The following LRRTM4 variants were observed in gnomAD, a reference collection of about 807,000 sequenced individuals.
The protein encoded by LRRTM4 is leucine-rich repeat transmembrane neuronal protein 4.
A neutral mutation model predicts 47.6 loss-of-function variants in LRRTM4; 25 were observed. The ratio of observed to expected loss-of-function variants is 0.53; its 90% confidence interval spans 0.38 to 0.73. The LOEUF is 0.73. Ranked by LOEUF, LRRTM4 falls within the 30% of genes least tolerant of loss-of-function variation. The pLI is 0.00. For synonymous variants in LRRTM4, 311 were observed against 269.5 expected, an observed-to-expected ratio of 1.15 and a Z score of -1.51; for missense variants, 638 against 713.4, an observed-to-expected ratio of 0.89 and a Z score of 1.20.
At chr2:77,408,854 T>A (rs1226485488) in intron 3 of LRRTM4, among the ~76,000 whole-genome samples, 1 of 152,216 alleles carries the variant, frequency 6.6e-6, no homozygotes, top group South Asian at 2.1e-4. Flanking sequence ...GTGTTTCAAA[T>A]TATAAATGAA....
chr2:77,367,579 C>T (rs574046681), intron 3 of LRRTM4, among the ~76,000 whole-genome samples: 1 of 151,834 alleles, frequency 6.6e-6, no homozygotes, highest in African/African-American at 2.4e-5. Context: ...CTCTTGGAAA[C>T]TGTGTTTCAG....
intron 3 of LRRTM4, among the ~76,000 whole-genome samples, chr2:77,463,282 G>T (rs965677331): frequency 6.6e-6 from 1 of 152,040 alleles, no homozygotes; most frequent in Non-Finnish European, 1.5e-5. Flanking sequence ...TGGGACCACA[G>T]TTGTATATGT....
intron 3 of LRRTM4, among the ~76,000 whole-genome samples, chr2:77,236,657 G>C (rs1443062975): frequency 6.6e-6 from 1 of 152,030 alleles, no homozygotes; most frequent in Non-Finnish European, 1.5e-5. Context: ...TTAGCTGTGG[G>C]TTTGTCATAG....
At chr2:77,325,425 A>C (rs536237391) in intron 3 of LRRTM4, among the ~76,000 whole-genome samples, 1 of 152,278 alleles carries the variant, frequency 6.6e-6, no homozygotes, top group African/African-American at 2.4e-5. Context: ...TAGAGATGTC[A>C]AGTTGTCACT....
At chr2:77,476,920 T>G (rs749593861) in intron 3 of LRRTM4, among the ~76,000 whole-genome samples, 8 of 151,876 alleles carry the variant, frequency 5.3e-5, no homozygotes, top group Non-Finnish European at 1.2e-4. Flanking sequence ...CTTCTAAGAA[T>G]AGCAAAAGTA....
At chr2:77,050,128 C>CT (rs745419725) in intron 3 of LRRTM4, among the ~76,000 whole-genome samples, 3,693 of 112,578 alleles carry the variant, frequency 0.033, 147 homozygotes, top group South Asian at 0.073. Context: ...AGAACCAAGT[C>CT]TTTTTTTTTT....
intron 3 of LRRTM4, among the ~76,000 whole-genome samples, chr2:77,184,994 A>G (rs1673461200): frequency 6.6e-6 from 1 of 151,876 alleles, no homozygotes; most frequent in African/African-American, 2.4e-5. Context: ...GTCTCTACAT[A>G]TTGTATAGTA....
chr2:77,370,906 A>G (rs551085210), intron 3 of LRRTM4, among the ~76,000 whole-genome samples: 1 of 151,806 alleles, frequency 6.6e-6, no homozygotes, highest in African/African-American at 2.4e-5. Context: ...CATCCATACA[A>G]ATTAACACTA....
At chr2:77,365,799 C>T (rs984229054) in intron 3 of LRRTM4, among the ~76,000 whole-genome samples, 4 of 150,584 alleles carry the variant, frequency 2.7e-5, no homozygotes, top group East Asian at 1.9e-4. Flanking sequence ...TTTAAAGTAG[C>T]GTAAACCTAT....
At chr2:76,992,269 C>A (rs1677035874) in intron 3 of LRRTM4, among the ~76,000 whole-genome samples, 1 of 151,688 alleles carries the variant, frequency 6.6e-6, no homozygotes, top group African/African-American at 2.4e-5. Context: ...CAATATAGTA[C>A]TGGAAGTGCT....
chr2:77,006,496 A>G (rs913670767), intron 3 of LRRTM4, among the ~76,000 whole-genome samples: 22 of 152,194 alleles, frequency 1.4e-4, no homozygotes, highest in African/African-American at 3.9e-4. Context: ...GAAGAAAATC[A>G]TAACATTAGG....
At chr2:77,010,894 C>T (rs562281666) in intron 3 of LRRTM4, among the ~76,000 whole-genome samples, 1 of 152,084 alleles carries the variant, frequency 6.6e-6, no homozygotes, top group African/African-American at 2.4e-5. Context: ...GGTGATTTTA[C>T]TTCACCATTC....
intron 3 of LRRTM4, among the ~76,000 whole-genome samples, chr2:76,938,486 T>C (rs1444117443): frequency 1.3e-5 from 2 of 152,186 alleles, no homozygotes; most frequent in African/African-American, 4.8e-5. Context: ...TTCTTCCTAA[T>C]TGCTTTTTAT....
intron 3 of LRRTM4, among the ~76,000 whole-genome samples, chr2:77,161,765 T>G (rs1424560801): frequency 6.6e-6 from 1 of 152,230 alleles, no homozygotes; most frequent in African/African-American, 2.4e-5. Flanking sequence ...AATTTTTTTT[T>G]CTGTGAAAAT....
chr2:76,812,673 CTCTTTCTTTCTTTCTTTCTTTCTTT>C (rs1670768475), intron 3 of LRRTM4, among the ~76,000 whole-genome samples: 1 of 147,818 alleles, frequency 6.8e-6, no homozygotes, highest in Non-Finnish European at 1.5e-5. Context: ...TACAAATAAG[CTCTTTCTTTCTTTCTTTCTTTCTTT>C]TCTTTCTTTA....
intron 3 of LRRTM4, among the ~76,000 whole-genome samples, chr2:76,883,707 C>T (rs1371208371): frequency 6.6e-6 from 1 of 152,154 alleles, no homozygotes; most frequent in Non-Finnish European, 1.5e-5. Context: ...AGCAGAGTCA[C>T]AGTCACTGAA....
chr2:76,888,028 ACT>A (rs1673132020), intron 3 of LRRTM4, among the ~76,000 whole-genome samples: 1 of 150,204 alleles, frequency 6.7e-6, no homozygotes, highest in African/African-American at 2.4e-5. Context: ...CTCTGCACAC[ACT>A]GTGTGTGTGT....
intron 3 of LRRTM4, among the ~76,000 whole-genome samples, chr2:76,910,115 G>C (rs575824054): frequency 7.2e-5 from 11 of 152,232 alleles, no homozygotes; most frequent in African/African-American, 2.6e-4. Flanking sequence ...AACAATGATA[G>C]ACTGGATTAA....
chr2:76,967,955 A>G (rs1297624221), intron 3 of LRRTM4, among the ~76,000 whole-genome samples: 2 of 151,512 alleles, frequency 1.3e-5, no homozygotes, highest in East Asian at 3.9e-4. Context: ...TTCCCAATGC[A>G]TTACAGTTGG....
Sources: gnomAD v4.1 joint callset for allele counts (sites outside exome capture counted in the v4.1 genomes callset) on GRCh38, gnomAD v4.1.1 for gene constraint, MANE v1.5 for transcripts, NCBI Gene and HGNC (gene_info 2026-07-23, HGNC 2026-07-21) for gene names.